PDZRN3: variants seen among roughly 807,000 people sequenced by gnomAD.
The protein encoded by PDZRN3 is E3 ubiquitin-protein ligase PDZRN3.
Under a neutral mutation model 85.7 loss-of-function variants are expected in PDZRN3, and 38 were observed. That is an observed-to-expected ratio of 0.44 (90% CI 0.34 to 0.58). PDZRN3 has a LOEUF of 0.58. Among genes scored for constraint, PDZRN3 ranks in the 20% least tolerant of loss-of-function variants. The pLI, the probability that PDZRN3 is intolerant of heterozygous loss-of-function variation, is 0.01. For synonymous variants in PDZRN3, 759 were observed against 638.0 expected, an observed-to-expected ratio of 1.19 and a Z score of -2.86; for missense variants, 1,629 against 1,506.4, an observed-to-expected ratio of 1.08 and a Z score of -1.35.
At chr3:73,492,329 A>AT (rs1559706728) in intron 3 of PDZRN3, among the ~76,000 whole-genome samples, 1 of 152,124 alleles carries the variant, frequency 6.6e-6, no homozygotes, top group Non-Finnish European at 1.5e-5. Context: ...GGAGTAGCTT[A>AT]TATCATAGGC....
chr3:73,472,871 T>C (rs1703373074), intron 3 of PDZRN3, among the ~76,000 whole-genome samples: 1 of 152,238 alleles, frequency 6.6e-6, no homozygotes, highest in African/African-American at 2.4e-5. Context: ...CTGTTTGACA[T>C]GTACAAAGGA....
chr3:73,428,856 G>A (rs1033605307), intron 3 of PDZRN3, among the ~76,000 whole-genome samples: 1 of 151,790 alleles, frequency 6.6e-6, no homozygotes, highest in African/African-American at 2.4e-5. Flanking sequence ...ATTCAATAAA[G>A]GGCCCTGTTT....
chr3:73,416,611 T>TC (rs1702086608), intron 3 of PDZRN3, among the ~76,000 whole-genome samples: 2 of 152,022 alleles, frequency 1.3e-5, no homozygotes, highest in Admixed American at 6.6e-5. Context: ...ATCATTTATC[T>TC]CCCCCCACAG....
At chr3:73,506,242 G>T (rs1469292454) in intron 3 of PDZRN3, among the ~76,000 whole-genome samples, 1 of 152,158 alleles carries the variant, frequency 6.6e-6, no homozygotes, top group Non-Finnish European at 1.5e-5. Context: ...ATCTTGCAAC[G>T]TCCGTTTCTG....
At chr3:73,486,012 C>T (rs1199903304) in intron 3 of PDZRN3, among the ~76,000 whole-genome samples, 1 of 152,172 alleles carries the variant, frequency 6.6e-6, no homozygotes, top group African/African-American at 2.4e-5. Context: ...ATGCCCTTGC[C>T]AGCACACAGC....
At chr3:73,430,109 C>A (rs1468194621) in intron 3 of PDZRN3, among the ~76,000 whole-genome samples, 1 of 152,230 alleles carries the variant, frequency 6.6e-6, no homozygotes, top group Admixed American at 6.5e-5. Context: ...TAGTGCAGAT[C>A]TGACTCCCAG....
rs1343155071 is a variant in PDZRN3 at position 73,384,445 on chromosome 3, C to T, written c.2121G>A (p.Lys707=). The T allele has an allele frequency of 1.9e-6, 3 of 1,612,058 alleles. No homozygotes were observed. Among genetic ancestry groups the T allele is most frequent in the African/African-American group, 2.7e-5 (2 of 74,926 alleles). ...LECLSIVRAH[K]MQQLKEQYRE... is the part of the protein sequence containing the mutation. ...GGTACTGCTCCTTGAGCTGCTGCAT[C>T]TTGTGGGCGCGCACGATGCTCAGGC... The change falls in exon 10 of 10, where the codon AAG becomes AAA. Residue 707 remains lysine (K), a synonymous_variant. Coordinates refer to ENST00000263666, the MANE Select transcript of PDZRN3 (RefSeq NM_015009.3).
At chr3:73,515,370 G>A (rs1401282352) in intron 3 of PDZRN3, among the ~76,000 whole-genome samples, 4 of 152,016 alleles carry the variant, frequency 2.6e-5, no homozygotes. Context: ...TAGAGATGGG[G>A]TTTCACCATG....
At chr3:73,400,104 A>T (rs1236290030) in intron 5 of PDZRN3, among the ~76,000 whole-genome samples, 7 of 152,152 alleles carry the variant, frequency 4.6e-5, no homozygotes, top group Non-Finnish European at 1.0e-4. Context: ...TTCCTGGGTG[A>T]CCTTTTGATG....
chr3:73,483,319 A>G (rs1386151578), intron 3 of PDZRN3, among the ~76,000 whole-genome samples: 1 of 152,230 alleles, frequency 6.6e-6, no homozygotes, highest in African/African-American at 2.4e-5. Context: ...TGCAAGAAAG[A>G]GCAGTTGACT....
chr3:73,584,455 GT>G (rs370047170), intron 3 of PDZRN3, among the ~76,000 whole-genome samples: 18,142 of 47,902 alleles, frequency 0.38, 1,231 homozygotes, highest in East Asian at 0.49. Flanking sequence ...ATTTAATGGT[GT>G]GTGTGTGTGT....
In PDZRN3 at chr3:73,477,837, G is replaced by A. The variant is rs189023317; in HGVS notation, c.919-73442C>T. 1.1e-3 allele frequency among the ~76,000 whole-genome samples: 164 copies of A among 152,252 alleles called. 2 individuals carry two copies. The highest frequency in any genetic ancestry group is 3.4e-3 in the Middle Eastern group (1 of 294). On this transcript the variant is annotated intron_variant, in intron 3 of 9. Transcript: ENST00000263666. ...GCTGGGGAAGCCTCACGATCATGGC[G>A]GAAAGTGAATAAAGAGCAAAGGCAT...
At chr3:73,432,484 C>CCT (rs1349674101) in intron 3 of PDZRN3, among the ~76,000 whole-genome samples, 1 of 152,026 alleles carries the variant, frequency 6.6e-6, no homozygotes, top group African/African-American at 2.4e-5. Flanking sequence ...TTGTTTTGAC[C>CCT]CTCTCTCTGT....
At chr3:73,551,680 C>A (rs1302064550) in intron 3 of PDZRN3, among the ~76,000 whole-genome samples, 1 of 126,112 alleles carries the variant, frequency 7.9e-6, no homozygotes, top group African/African-American at 3.0e-5. Context: ...CAGAGTGAGA[C>A]CCTGTTTCAA....
At chr3:73,487,566 G>A (rs1391792377) in intron 3 of PDZRN3, among the ~76,000 whole-genome samples, 11 of 152,250 alleles carry the variant, frequency 7.2e-5, no homozygotes, top group African/African-American at 7.2e-5. Context: ...TGTCCAGGCC[G>A]TTTCGAAGCT....
chr3:73,573,772 C>CACATATACATATACATATACATAT (rs71126879), intron 3 of PDZRN3, among the ~76,000 whole-genome samples: 1 of 150,866 alleles, frequency 6.6e-6, no homozygotes, highest in African/African-American at 2.4e-5. Flanking sequence ...AATACATACA[C>CACATATACATATACATATACATAT]ACATATACAT....
chr3:73,592,479 A>T (rs9845229), intron 3 of PDZRN3, among the ~76,000 whole-genome samples: 1 of 151,838 alleles, frequency 6.6e-6, no homozygotes, highest in Non-Finnish European at 1.5e-5. Context: ...AGAAGGAAGC[A>T]ATGAAAGAAG....
Position 73,565,793 on chromosome 3 carries a change from ACACACACACACACACACAC to A in PDZRN3, c.918+36542_918+36560del, listed in dbSNP as rs1701936451. ...TCTCTACTAAAAATACAAAACACACACACACACACACACACACACACACACACACACACACACACAGAAA... is the reference window on the plus strand; with the variant it reads ...TCTCTACTAAAAATACAAAACACACAACACACACACACACACACACAGAAA... On this transcript the variant is annotated intron_variant, in intron 3 of 9. Coordinates refer to ENST00000263666, the MANE Select transcript of PDZRN3 (RefSeq NM_015009.3). 1.5e-3 allele frequency among the ~76,000 whole-genome samples: 222 copies of A among 145,166 alleles called. 1 individual carries two copies. Among genetic ancestry groups the A allele is most frequent in the Middle Eastern group, 3.4e-3 (1 of 290 alleles).
chr3:73,448,517 G>A (rs554842853), intron 3 of PDZRN3, among the ~76,000 whole-genome samples: 1 of 152,316 alleles, frequency 6.6e-6, no homozygotes, highest in East Asian at 1.9e-4. Context: ...GGGGAGAAAG[G>A]AGTGAAGAGT....
Sources: gnomAD v4.1 joint callset for allele counts (sites outside exome capture counted in the v4.1 genomes callset) on GRCh38, gnomAD v4.1.1 for gene constraint, MANE v1.5 for transcripts, NCBI Gene and HGNC (gene_info 2026-07-23, HGNC 2026-07-21) for gene names.